FNDC3B: variants seen among roughly 807,000 people sequenced by gnomAD.
FNDC3B encodes fibronectin type III domain containing 3B, also known as fibronectin type III domain-containing protein 3B.
FNDC3B carries 12 observed loss-of-function variants against 151.5 expected under a neutral mutation model. The observed-to-expected ratio is 0.08, with a 90% CI of 0.05 to 0.13. The LOEUF is 0.13. FNDC3B is among the 10% of genes least tolerant of loss of function. FNDC3B has a pLI of 1.00. For missense variants in FNDC3B, 1,214 were observed against 1,505.3 expected (o/e 0.81, Z 3.20); for synonymous variants, 528 against 549.0 (o/e 0.96, Z 0.54).
chr3:172,235,485 T>G (rs1221588499), intron 4 of FNDC3B, among the ~76,000 whole-genome samples: 1 of 152,172 alleles, frequency 6.6e-6, no homozygotes, highest in African/African-American at 2.4e-5. Flanking sequence ...ATAGTATGTT[T>G]GAAACTTAGA....
At position 172,337,268 on chromosome 3, in the gene FNDC3B, G is replaced by T. The variant is rs1576924293; in HGVS notation, c.1781-62G>T. ...GGTGTGTGATTTTATGAGTCCTGAT[G>T]ATGTTTACCAATAAAAATCAATATC... is the stretch of plus-strand genomic sequence containing the variant. On this transcript the variant is annotated intron_variant, in intron 15 of 25. Transcript: ENST00000415807. 24 of 1,132,584 alleles carry T rather than the reference G, an allele frequency of 2.1e-5. No homozygotes were observed. In the East Asian group the frequency reaches 5.7e-4, roughly 27 times the overall value. The allele number at this position is 1,132,584 out of a possible 1,614,324, so 70.2% of individuals were successfully genotyped here.
At chr3:172,091,723 G>T (rs1166411725) in intron 1 of FNDC3B, among the ~76,000 whole-genome samples, 1 of 152,170 alleles carries the variant, frequency 6.6e-6, no homozygotes, top group Non-Finnish European at 1.5e-5. Context: ...ATCTTCAAAA[G>T]TTGGCTTTTA....
rs1375772257 is a variant in FNDC3B at position 172,040,299 on chromosome 3, G to A, written c.-29+528G>A. 6.6e-6 allele frequency among the ~76,000 whole-genome samples: 1 copy of A among 152,004 alleles called. No individual in the cohort carries two copies. Among genetic ancestry groups the A allele is most frequent in the African/African-American group, 2.4e-5 (1 of 41,390 alleles). On this transcript the variant is annotated intron_variant, in intron 1 of 25. Coordinates refer to ENST00000415807, the MANE Select transcript of FNDC3B (RefSeq NM_022763.4). The surrounding 1 kb of genome is among the most constrained non-coding windows in gnomAD (Gnocchi z 6.6). Reference sequence around the variant, plus strand: ...AGGGCGGGAGTGCGAAGTGGGGCTGGAAGTTGGGGCCGCCTCTCCGCGCCG... The same window carrying A: ...AGGGCGGGAGTGCGAAGTGGGGCTGAAAGTTGGGGCCGCCTCTCCGCGCCG...
At chr3:172,134,906 A>G (rs146201685) in intron 3 of FNDC3B, among the ~76,000 whole-genome samples, 1 of 152,194 alleles carries the variant, frequency 6.6e-6, no homozygotes, top group East Asian at 1.9e-4. Flanking sequence ...TATGGACTAT[A>G]GAGTCTTTCA....
chr3:172,049,536 CT>C (rs923783967), intron 1 of FNDC3B, among the ~76,000 whole-genome samples: 1 of 151,742 alleles, frequency 6.6e-6, no homozygotes, highest in Non-Finnish European at 1.5e-5. Flanking sequence ...TTTTTTGTTT[CT>C]TTTTTTTGAG....
At chr3:172,326,314 A>C (rs144518804) in intron 11 of FNDC3B, among the ~76,000 whole-genome samples, 1 of 152,208 alleles carries the variant, frequency 6.6e-6, no homozygotes, top group African/African-American at 2.4e-5. Context: ...ACCTCTACAG[A>C]CTCTACAGAC....
At chr3:172,351,691 G>A (rs992277132) in intron 21 of FNDC3B, among the ~76,000 whole-genome samples, 1 of 152,290 alleles carries the variant, frequency 6.6e-6, no homozygotes, top group African/African-American at 2.4e-5. Flanking sequence ...TAACCAGATG[G>A]GAGAGAGAGT....
chr3:172,269,794 G>A (rs1729105181), intron 6 of FNDC3B, among the ~76,000 whole-genome samples: 1 of 152,102 alleles, frequency 6.6e-6, no homozygotes, highest in Admixed American at 6.5e-5. Context: ...ACAAGTGCGT[G>A]CCACCATGCC....
chr3:172,322,984 T>G (rs945435513), intron 11 of FNDC3B, among the ~76,000 whole-genome samples: 1 of 152,236 alleles, frequency 6.6e-6, no homozygotes, highest in Non-Finnish European at 1.5e-5. Flanking sequence ...TCGTGTATTC[T>G]GTTCCCTCAG....
intron 1 of FNDC3B, among the ~76,000 whole-genome samples, chr3:172,057,047 C>T (rs1207086448): frequency 6.6e-6 from 1 of 152,186 alleles, no homozygotes; most frequent in African/African-American, 2.4e-5. Context: ...CTTTCTGCCC[C>T]TTTAAAGAGA....
chr3:172,186,693 A>AT (rs1249396516), intron 3 of FNDC3B: 11 of 698,632 alleles, frequency 1.6e-5, no homozygotes, highest in Admixed American at 2.0e-5. Flanking sequence ...CCCTATCTTG[A>AT]TTTTTTGTCT....
intron 19 of FNDC3B, among the ~76,000 whole-genome samples, chr3:172,345,402 A>T (rs1257002307): frequency 6.6e-6 from 1 of 152,166 alleles, no homozygotes; most frequent in Non-Finnish European, 1.5e-5. Flanking sequence ...TGTGAGCTGT[A>T]CTTTTCTCAG....
chr3:172,359,147 G>A (rs1271358356), intron 22 of FNDC3B, among the ~76,000 whole-genome samples: 1 of 151,860 alleles, frequency 6.6e-6, no homozygotes, highest in Non-Finnish European at 1.5e-5. Flanking sequence ...GAGGCTTTGA[G>A]GAAGGAAATG....
chr3:172,044,138 TAAGA>T lies in FNDC3B; in HGVS notation c.-29+4372_-29+4375del, dbSNP rs1275559179. Among the ~76,000 whole-genome samples the T allele has an allele frequency of 6.6e-5, 10 of 152,332 alleles. 1 individual carries two copies. Among genetic ancestry groups the T allele is most frequent in the African/African-American group, 2.4e-4 (10 of 41,568 alleles). ...AAGAATATGTGTAAGATTAAAACAG[TAAGA>T]AAGATCTGTCCGATGGCAGATGTTC... On this transcript the variant is annotated intron_variant, in intron 1 of 25. Transcript: ENST00000415807.
rs1175900336 is a variant in FNDC3B, at chr3:172,347,375, A to T, written c.2514+14A>T. The T allele has an allele frequency of 6.2e-7, 1 of 1,603,348 alleles. No homozygotes were observed. The highest frequency in any genetic ancestry group is 1.7e-5 in the Admixed American group (1 of 59,232). On this transcript the variant is annotated intron_variant, in intron 21 of 25. Transcript: ENST00000415807. ...TGTAGACTACAGGTAGGTTGACATT[A>T]TTCAGATGTTACTCACAAGGACTGC...
intron 23 of FNDC3B, among the ~76,000 whole-genome samples, chr3:172,368,992 C>T (rs1454290415): frequency 2.0e-5 from 3 of 152,160 alleles, no homozygotes; most frequent in Admixed American, 2.0e-4. Context: ...GCCTGGGCGA[C>T]AGAGCAAGAC....
chr3:172,295,341 G>T (rs755764265), intron 7 of FNDC3B, 22 bp from the exon 8 acceptor site: 1 of 1,597,408 alleles, frequency 6.3e-7, no homozygotes, highest in Admixed American at 1.8e-5. Context: ...GAATACTTTT[G>T]TCCCATGTTT....
chr3:172,187,103 G>A lies in FNDC3B; in HGVS notation c.188-39768G>A, dbSNP rs78996843. 172 of 208,328 alleles carry A rather than the reference G, an allele frequency of 8.3e-4. 4 individuals are homozygous for A. The East Asian group carries it at 0.019, about 23-fold the overall frequency. The allele number at this position is 208,328 out of a possible 1,614,324, so 12.9% of individuals were successfully genotyped here. On this transcript the variant is annotated intron_variant, in intron 3 of 25. Coordinates refer to ENST00000415807, the MANE Select transcript of FNDC3B (RefSeq NM_022763.4). ...ACCTTGCCCTTGAGAAGTCCTTCAT[G>A]GAAAGTGGAAACACTGGGTTGACTT...
chr3:172,040,482 G>GCCCCCCGGGCT lies in FNDC3B; in HGVS notation c.-29+723_-29+733dup, dbSNP rs1048088801. ...CACGCCACGTCCTCCTCCCCGTCCT[G>GCCCCCCGGGCT]CCCCCCGGGCTCCCCCCGGGCTGGG... On this transcript the variant is annotated intron_variant, in intron 1 of 25. Transcript: ENST00000415807. The surrounding 1 kb of genome is among the most constrained non-coding windows in gnomAD (Gnocchi z 6.6). 1 of 151,816 alleles carries GCCCCCCGGGCT rather than the reference G, an allele frequency of 6.6e-6. No individual in the cohort carries two copies. The highest frequency in any genetic ancestry group is 1.5e-5 in the Non-Finnish European group (1 of 67,976). 9.4% of individuals were successfully genotyped at this position (151,816 alleles called of 1,614,324 possible). A position where few individuals can be genotyped will look rare whatever the true frequency, so the allele number is the denominator to read the frequency against.
Sources: gnomAD v4.1 joint callset for allele counts (sites outside exome capture counted in the v4.1 genomes callset) on GRCh38, gnomAD v4.1.1 for gene constraint, Gnocchi (gnomAD v3.1) non-coding constraint, MANE v1.5 for transcripts, NCBI Gene and HGNC (gene_info 2026-07-23, HGNC 2026-07-21) for gene names.